Variants in BCAS3 observed in about 807,000 individuals in gnomAD.
The protein encoded by BCAS3 is BCAS4/BCAS3 fusion.
BCAS3 carries 53 observed loss-of-function variants against 116.1 expected under a neutral mutation model. That is an observed-to-expected ratio of 0.46 (90% confidence interval 0.37 to 0.57). The LOEUF is 0.57. Among genes scored for constraint, BCAS3 ranks in the 20% least tolerant of loss-of-function variants. BCAS3 has a pLI of 0.00. For synonymous variants in BCAS3, 391 were observed against 408.2 expected (o/e 0.96, Z 0.51); for missense variants, 917 against 1,165.4 (o/e 0.79, Z 3.10).
At position 60,679,554 on chromosome 17, in the gene BCAS3, A is replaced by G; in HGVS notation, c.83+14A>G. ...CCAGGCTGTCACGTAAGCACATTTC[A>G]GATAAACCCAATAGCTGAAGAAAAG... On this transcript the variant is annotated intron_variant, in intron 2 of 23. Transcript: ENST00000407086. The G allele has an allele frequency of 1.3e-6, 2 of 1,587,930 alleles. No homozygotes were observed. The highest frequency in any genetic ancestry group is 1.7e-6 in the Non-Finnish European group (2 of 1,157,462).
chr17:61,079,819 C>T (rs1455465715), intron 21 of BCAS3, among the ~76,000 whole-genome samples: 3 of 150,778 alleles, frequency 2.0e-5, no homozygotes, highest in East Asian at 1.9e-4. Flanking sequence ...TGGTCTTGAA[C>T]TCCTTACCTC....
intron 7 of BCAS3, among the ~76,000 whole-genome samples, chr17:60,826,414 A>G (rs2050429050): frequency 6.6e-6 from 1 of 152,020 alleles, no homozygotes. Flanking sequence ...GGCTCAAGTG[A>G]TTCTCTCGTG....
At chr17:61,014,882 T>G (rs957704798) in intron 15 of BCAS3, among the ~76,000 whole-genome samples, 1 of 152,262 alleles carries the variant, frequency 6.6e-6, no homozygotes, top group East Asian at 1.9e-4. Context: ...CAATTCCATT[T>G]TCAAATTGCA....
At chr17:61,075,159 C>A in intron 20 of BCAS3, 139 bp downstream of exon 20, 1 of 633,830 alleles carries the variant, frequency 1.6e-6, no homozygotes, top group Non-Finnish European at 2.7e-6. Context: ...TTCCATATTA[C>A]AAATTACTCC....
Position 61,029,929 on chromosome 17 carries a change from C to T in BCAS3, c.1638-4737C>T, listed in dbSNP as rs1053794881. Among the ~76,000 whole-genome samples the T allele has an allele frequency of 2.6e-5, 4 of 151,832 alleles. No homozygotes were observed. The highest frequency in any genetic ancestry group is 9.7e-5 in the African/African-American group (4 of 41,392). ...TTTATTCTTACCTGCCACATTTACA[C>T]AAATCTGTTAGACCTTTAAGAAAAA... is the stretch of plus-strand genomic sequence containing the variant. On this transcript the variant is annotated intron_variant, in intron 16 of 23. Transcript: ENST00000407086. This position sits in a 1 kb window ranked among gnomAD's most constrained non-coding sequence, Gnocchi z 5.2.
chr17:60,931,461 G>T (rs1332660108), intron 13 of BCAS3, among the ~76,000 whole-genome samples: 1 of 151,904 alleles, frequency 6.6e-6, no homozygotes, highest in East Asian at 1.9e-4. Flanking sequence ...ATTTTTAGTA[G>T]CGATGGCATT....
At chr17:61,386,152 C>T (rs185816336) in intron 23 of BCAS3, among the ~76,000 whole-genome samples, 85 of 152,364 alleles carry the variant, frequency 5.6e-4, no homozygotes, top group Middle Eastern at 6.8e-3. Context: ...ACACAGACAT[C>T]GTTAACCTCA....
chr17:60,999,867 CCTT>C lies in BCAS3; in HGVS notation c.1486+9636_1486+9638del, dbSNP rs1218712023. Among the ~76,000 whole-genome samples the C allele has an allele frequency of 4.6e-5, 7 of 152,230 alleles. No individual in the cohort carries two copies. In the East Asian group the frequency reaches 9.6e-4, roughly 21 times the overall value. On this transcript the variant is annotated intron_variant, in intron 15 of 23. Coordinates refer to ENST00000407086, the MANE Select transcript of BCAS3 (RefSeq NM_017679.5). ...TAGTTGTCCTTGTAGAGGTCTTTCA[CCTT>C]CTTGCTTAGACGTATTTCTAGGTAT...
intron 7 of BCAS3, among the ~76,000 whole-genome samples, chr17:60,848,998 C>T (rs574193695): frequency 6.6e-6 from 1 of 152,316 alleles, no homozygotes; most frequent in South Asian, 2.1e-4. Context: ...AGAGTCCTTG[C>T]TGTTTTTCTT....
rs1265035513 is a variant in BCAS3, at chr17:61,251,378, G to A, written c.2426-116949G>A. Among the ~76,000 whole-genome samples the A allele has an allele frequency of 1.3e-5, 2 of 152,142 alleles. No individual in the cohort carries two copies. Among genetic ancestry groups the A allele is most frequent in the East Asian group, 3.9e-4 (2 of 5,186 alleles). On this transcript the variant is annotated intron_variant, in intron 22 of 23. Transcript: ENST00000407086. This position sits in a 1 kb window ranked among gnomAD's most constrained non-coding sequence, Gnocchi z 4.7. ...TGAGGTCAGAGTTTGAGACCATCCT[G>A]GCCAATATGGCGAAACCCCGTCTCT...
rs1395195173 is a variant in BCAS3, at chr17:61,008,192, C to T, written c.1487-7559C>T. Reference sequence around the variant, plus strand: ...CACCAGGGTGCTGCTGTTTCCTTTTCCGACTTGAGTAGATTGCAGATTATA... The same window carrying T: ...CACCAGGGTGCTGCTGTTTCCTTTTTCGACTTGAGTAGATTGCAGATTATA... On this transcript the variant is annotated intron_variant, in intron 15 of 23. Transcript: ENST00000407086. This position sits in a 1 kb window ranked among gnomAD's most constrained non-coding sequence, Gnocchi z 4.6. 6.6e-6 allele frequency among the ~76,000 whole-genome samples: 1 copy of T among 152,008 alleles called. No homozygotes were observed. The highest frequency in any genetic ancestry group is 2.4e-5 in the African/African-American group (1 of 41,386).
chr17:61,214,404 G>T lies in BCAS3; in HGVS notation c.2425+129840G>T, dbSNP rs978575527. On this transcript the variant is annotated intron_variant, in intron 22 of 23. Coordinates refer to ENST00000407086, the MANE Select transcript of BCAS3 (RefSeq NM_017679.5). The surrounding 1 kb of genome is among the most constrained non-coding windows in gnomAD (Gnocchi z 4.4). ...ATAAATAAATAAATAAATATTTTAG[G>T]CTGGGCGCAGTGGCTCATGCCTGTA... 4.8e-5 allele frequency among the ~76,000 whole-genome samples: 7 copies of T among 146,014 alleles called. No homozygotes were observed. Among genetic ancestry groups the T allele is most frequent in the African/African-American group, 1.6e-4 (6 of 36,560 alleles).
intron 9 of BCAS3, among the ~76,000 whole-genome samples, chr17:60,882,029 A>G (rs1336491694): frequency 3.4e-5 from 5 of 148,816 alleles, no homozygotes; most frequent in African/African-American, 7.7e-5. Context: ...GACTTCCACA[A>G]TGGATGAACT....
At chr17:60,679,899 G>A (rs1376637635) in intron 2 of BCAS3, among the ~76,000 whole-genome samples, 3 of 152,086 alleles carry the variant, frequency 2.0e-5, no homozygotes, top group African/African-American at 7.2e-5. Flanking sequence ...AGCACTTTGG[G>A]AGGCCCAGGC....
Position 61,368,079 on chromosome 17 carries a change from T to A in BCAS3, c.2426-248T>A. ...TGGTCCCTGAAGACCAGGGGAACCC[T>A]GTAGCTCCTCAGAAACAGTTGTAAA... is the stretch of plus-strand genomic sequence containing the variant. On this transcript the variant is annotated intron_variant, in intron 22 of 23. Coordinates refer to ENST00000407086, the MANE Select transcript of BCAS3 (RefSeq NM_017679.5). The surrounding 1 kb of genome is among the most constrained non-coding windows in gnomAD (Gnocchi z 6.0). The A allele has an allele frequency of 2.7e-6, 1 of 368,914 alleles. No homozygotes were observed. 22.9% of individuals were successfully genotyped at this position (368,914 alleles called of 1,614,324 possible).
intron 18 of BCAS3, among the ~76,000 whole-genome samples, chr17:61,039,699 G>C (rs956467104): frequency 3.9e-5 from 6 of 152,162 alleles, no homozygotes; most frequent in African/African-American, 1.4e-4. Flanking sequence ...GGGATTACAG[G>C]CGTGAGCCAC....
intron 6 of BCAS3, among the ~76,000 whole-genome samples, chr17:60,788,983 C>T (rs1290543587): frequency 6.6e-6 from 1 of 151,930 alleles, no homozygotes; most frequent in Admixed American, 6.6e-5. Flanking sequence ...TCAACAAGGA[C>T]AAACTAACTG....
At chr17:61,174,401 G>A (rs1204344807) in intron 22 of BCAS3, among the ~76,000 whole-genome samples, 2 of 152,184 alleles carry the variant, frequency 1.3e-5, no homozygotes, top group Non-Finnish European at 2.9e-5. Context: ...GCACATAATT[G>A]AGATCATAGG....
rs1042768810 is a variant in BCAS3, at chr17:61,012,415, C to T, written c.1487-3336C>T. Among the ~76,000 whole-genome samples the T allele has an allele frequency of 1.3e-5, 2 of 152,054 alleles. No homozygotes were observed. Among genetic ancestry groups the T allele is most frequent in the Non-Finnish European group, 2.9e-5 (2 of 67,946 alleles). On this transcript the variant is annotated intron_variant, in intron 15 of 23. Coordinates refer to ENST00000407086, the MANE Select transcript of BCAS3 (RefSeq NM_017679.5). This position sits in a 1 kb window ranked among gnomAD's most constrained non-coding sequence, Gnocchi z 4.5. ...CTATCAGCAGTTCCTTTGCTTATGG[C>T]TTACAATCTGACTTTTCCACCTCAC...
Sources: gnomAD v4.1 joint callset for allele counts (sites outside exome capture counted in the v4.1 genomes callset) on GRCh38, gnomAD v4.1.1 for gene constraint, Gnocchi (gnomAD v3.1) non-coding constraint, MANE v1.5 for transcripts, NCBI Gene and HGNC (gene_info 2026-07-23, HGNC 2026-07-21) for gene names.